MYBPC2: variants seen among roughly 807,000 people sequenced by gnomAD.
MYBPC2 encodes myosin-binding protein C, fast-type.
Under a neutral mutation model 137.0 loss-of-function variants are expected in MYBPC2, and 122 were observed. The observed-to-expected ratio is 0.89, with a 90% CI of 0.77 to 1.03. The LOEUF (loss-of-function observed/expected upper bound fraction) is 1.03. Among genes scored for constraint, MYBPC2 ranks in the 50% least tolerant of loss-of-function variants. The probability of loss-of-function intolerance (pLI) is 0.00; values close to 1 mark genes in which losing one functional copy is unlikely to be tolerated. For synonymous variants in MYBPC2, 626 were observed against 612.3 expected, an observed-to-expected ratio of 1.02 and a Z score of -0.33; for missense variants, 1,500 against 1,534.4, an observed-to-expected ratio of 0.98 and a Z score of 0.37.
chr19:50,460,686 C>T (rs1015462506), intron 24 of MYBPC2, among the ~76,000 whole-genome samples: 5 of 152,182 alleles, frequency 3.3e-5, no homozygotes, highest in African/African-American at 1.2e-4. Flanking sequence ...TGTGTCCATG[C>T]AGAAATCCTG....
intron 1 of MYBPC2, 77 bp downstream of exon 1, chr19:50,433,049 T>C: frequency 6.8e-7 from 1 of 1,479,932 alleles, no homozygotes; most frequent in Non-Finnish European, 9.0e-7. Flanking sequence ...CCTCTGTTTG[T>C]AGGGTTGGGA....
In MYBPC2 at chr19:50,461,531, C is replaced by A. The variant is rs766641640; in HGVS notation, c.2932-11C>A. On this transcript the variant is annotated splice_polypyrimidine_tract_variant and intron_variant, in intron 24 of 27. Coordinates refer to ENST00000357701, the MANE Select transcript of MYBPC2 (RefSeq NM_004533.4). Reference sequence around the variant, plus strand: ...CCCGACCCGCCTGGTCCCTCCCTGTCCCCACACTAGGAGTGGTTCAACGTC... The same window carrying A: ...CCCGACCCGCCTGGTCCCTCCCTGTACCCACACTAGGAGTGGTTCAACGTC... The A allele has an allele frequency of 7.4e-6, 12 of 1,612,092 alleles. No homozygotes were observed. The highest frequency in any genetic ancestry group is 8.5e-7 in the Non-Finnish European group (1 of 1,179,008).
chr19:50,438,529 CT>C (rs1373107386), intron 7 of MYBPC2, among the ~76,000 whole-genome samples: 1 of 152,110 alleles, frequency 6.6e-6, no homozygotes, highest in African/African-American at 2.4e-5. Flanking sequence ...ACAGATAGCC[CT>C]CTGTTAGATT....
chr19:50,449,413 T>TGGCAGA (rs1009388916), intron 13 of MYBPC2, among the ~76,000 whole-genome samples: 1 of 152,170 alleles, frequency 6.6e-6, no homozygotes, highest in Non-Finnish European at 1.5e-5. Context: ...CACACTCACG[T>TGGCAGA]GGCAGAGGCA....
At chr19:50,437,052 A>G (rs1249046268) in intron 5 of MYBPC2, among the ~76,000 whole-genome samples, 1 of 152,068 alleles carries the variant, frequency 6.6e-6, no homozygotes, top group Non-Finnish European at 1.5e-5. Flanking sequence ...GGTTTAGAGA[A>G]GAAGGATGTA....
Position 50,466,053 on chromosome 19 carries a change from C to A in MYBPC2, c.3416-142C>A. 2 of 1,171,670 alleles carry A rather than the reference C, an allele frequency of 1.7e-6. No individual in the cohort carries two copies. The highest frequency in any genetic ancestry group is 2.4e-6 in the Non-Finnish European group (2 of 824,456). 72.6% of individuals were successfully genotyped at this position (1,171,670 alleles called of 1,614,324 possible). On this transcript the variant is annotated intron_variant, in intron 27 of 27. Coordinates refer to ENST00000357701, the MANE Select transcript of MYBPC2 (RefSeq NM_004533.4). This position sits in a 1 kb window ranked among gnomAD's most constrained non-coding sequence, Gnocchi z 4.9. ...AGGAGCACTGTGACTCTGGGTTGTC[C>A]AGCCACAGTGGCCTAGGATGGGGCG...
intron 9 of MYBPC2, among the ~76,000 whole-genome samples, chr19:50,443,230 G>C (rs2039771998): frequency 6.6e-6 from 1 of 152,156 alleles, no homozygotes; most frequent in South Asian, 2.1e-4. Flanking sequence ...GGCTGAGGTG[G>C]GAGGATGGCT....
rs1230670496 is a variant in MYBPC2, at chr19:50,462,038, T to G, written c.3228+2T>G. 6.4e-7 allele frequency: 1 copy of G among 1,571,676 alleles called. No individual in the cohort carries two copies. The highest frequency in any genetic ancestry group is 8.6e-7 in the Non-Finnish European group (1 of 1,158,416). On this transcript the variant is annotated splice_donor_variant, in intron 26 of 27. Transcript: ENST00000357701. LOFTEE classifies it high-confidence loss of function. The stretch of plus-strand genomic sequence containing the variant: ...TGTGCTGTCAGAGGCCACCCGAAGG[T>G]GCCAGGGCAGGGACCCAGATCTGCG...
intron 26 of MYBPC2, 65 bp downstream of exon 26, chr19:50,462,101 G>GC: frequency 6.7e-7 from 1 of 1,501,152 alleles, no homozygotes; most frequent in East Asian, 2.5e-5. Flanking sequence ...ATACAATGAA[G>GC]CCCACTCCCC....
intron 7 of MYBPC2, among the ~76,000 whole-genome samples, chr19:50,439,416 C>T (rs964464479): frequency 1.3e-4 from 19 of 151,742 alleles, no homozygotes; most frequent in African/African-American, 4.4e-4. Flanking sequence ...ACATTCACCT[C>T]CACATCTATC....
intron 9 of MYBPC2, 92 bp downstream of exon 9, chr19:50,442,405 G>A: frequency 1.3e-6 from 2 of 1,502,814 alleles, no homozygotes; most frequent in Non-Finnish European, 1.8e-6. Flanking sequence ...ACCAGAAAGG[G>A]CATATTCACC....
At chr19:50,444,683 A>T (rs2039787529) in intron 11 of MYBPC2, among the ~76,000 whole-genome samples, 1 of 151,898 alleles carries the variant, frequency 6.6e-6, no homozygotes, top group Non-Finnish European at 1.5e-5. Flanking sequence ...GATCGAGACC[A>T]TCTTGGCTAA....
At chr19:50,443,219 G>C (rs1488667617) in intron 9 of MYBPC2, among the ~76,000 whole-genome samples, 2 of 152,122 alleles carry the variant, frequency 1.3e-5, no homozygotes, top group Admixed American at 6.6e-5. Flanking sequence ...AGCTACTCAG[G>C]GGCTGAGGTG....
At chr19:50,438,013 T>C (rs569863512) in intron 7 of MYBPC2, among the ~76,000 whole-genome samples, 1 of 152,246 alleles carries the variant, frequency 6.6e-6, no homozygotes, top group East Asian at 1.9e-4. Flanking sequence ...CCCACTCTGC[T>C]GTTCACTCAG....
In MYBPC2 at chr19:50,460,131, C is replaced by G; in HGVS notation, c.2883C>G (p.Asn961Lys). 6.3e-7 allele frequency: 1 copy of G among 1,581,360 alleles called. No individual in the cohort carries two copies. The highest frequency in any genetic ancestry group is 8.6e-7 in the Non-Finnish European group (1 of 1,165,278). ...GGCAGGCCCCCAAAGATGATGGGAA[C>G]AGTGAGATCATGGGGTATTTCGTCC... ...VEWQAPKDDG[N>K]SEIMGYFVQK... The change falls in exon 24 of 28, where the codon AAC becomes AAG. Residue 961 changes from asparagine (N) to lysine (K), a missense_variant. By Grantham distance (94) the Asn-to-Lys change is moderately conservative (BLOSUM62 0). Coordinates refer to ENST00000357701, the MANE Select transcript of MYBPC2 (RefSeq NM_004533.4).
intron 9 of MYBPC2, among the ~76,000 whole-genome samples, 153 bp from the exon 10 acceptor site, chr19:50,443,341 A>G (rs891103872): frequency 6.6e-6 from 1 of 152,058 alleles, no homozygotes; most frequent in African/African-American, 2.4e-5. Flanking sequence ...ATAAAAATAA[A>G]TAAATAATTG....
intron 20 of MYBPC2, among the ~76,000 whole-genome samples, chr19:50,457,680 GTTTT>G (rs544491551): frequency 3.2e-5 from 4 of 126,416 alleles, no homozygotes; most frequent in African/African-American, 6.3e-5. Flanking sequence ...CCTGGGGAAA[GTTTT>G]TTTTTTTTTT....
intron 5 of MYBPC2, among the ~76,000 whole-genome samples, chr19:50,437,099 G>A (rs993094970): frequency 1.3e-5 from 2 of 152,056 alleles, no homozygotes; most frequent in African/African-American, 4.8e-5. Context: ...TTAACAGGAG[G>A]TTACACGGAT....
chr19:50,443,699 C>A lies in MYBPC2; in HGVS notation c.1028-12C>A. ...CCTGAAACGACTGACCTCCTGTCCC[C>A]CTGCCCCACAGAACCTCCAGTCCTA... On this transcript the variant is annotated splice_polypyrimidine_tract_variant and intron_variant, in intron 10 of 27. Transcript: ENST00000357701. The A allele has an allele frequency of 1.9e-6, 3 of 1,612,674 alleles. No individual in the cohort carries two copies. The highest frequency in any genetic ancestry group is 2.5e-6 in the Non-Finnish European group (3 of 1,178,824).
Sources: gnomAD v4.1 joint callset for allele counts (sites outside exome capture counted in the v4.1 genomes callset) on GRCh38, gnomAD v4.1.1 for gene constraint, Gnocchi (gnomAD v3.1) non-coding constraint, MANE v1.5 for transcripts, NCBI Gene and HGNC (gene_info 2026-07-23, HGNC 2026-07-21) for gene names.